The following ADAMTS6 variants were observed in gnomAD, a reference collection of about 807,000 sequenced individuals.
The protein encoded by ADAMTS6 is ADAM metallopeptidase with thrombospondin type 1 motif 6, also known as A disintegrin and metalloproteinase with thrombospondin motifs 6.
In ADAMTS6, 23 loss-of-function variants were observed where a neutral mutation model predicts 144.3. That is an observed-to-expected ratio of 0.16 (90% CI 0.11 to 0.23). ADAMTS6 has a LOEUF of 0.23. Among genes scored for constraint, ADAMTS6 ranks in the 10% least tolerant of loss-of-function variants. The pLI, the probability that ADAMTS6 is intolerant of heterozygous loss-of-function variation, is 1.00. For synonymous variants in ADAMTS6, 444 were observed against 457.5 expected (o/e 0.97, Z 0.38); for missense variants, 999 against 1,379.6 (o/e 0.72, Z 4.37).
chr5:65,234,528 G>A (rs944043934), intron 15 of ADAMTS6, among the ~76,000 whole-genome samples: 1 of 151,438 alleles, frequency 6.6e-6, no homozygotes, highest in East Asian at 1.9e-4. Context: ...AATCATCAGG[G>A]AAATGCAAAT....
chr5:65,444,646 TGTCA>T (rs1758121064), intron 7 of ADAMTS6, among the ~76,000 whole-genome samples: 1 of 152,134 alleles, frequency 6.6e-6, no homozygotes, highest in Admixed American at 6.5e-5. Context: ...ATTGTTAAGA[TGTCA>T]GTTCGCTAGA....
chr5:65,351,019 TTA>T (rs74270798), intron 7 of ADAMTS6, among the ~76,000 whole-genome samples: 17,190 of 152,216 alleles, frequency 0.11, 1,034 homozygotes, highest in African/African-American at 0.15. Flanking sequence ...CCATAATGCT[TTA>T]TGTTTGTCTC....
At chr5:65,478,121 C>T (rs936096745) in intron 1 of ADAMTS6, among the ~76,000 whole-genome samples, 2 of 149,182 alleles carry the variant, frequency 1.3e-5, no homozygotes, top group African/African-American at 2.5e-5. Flanking sequence ...AGCGAGGCTC[C>T]GTCTCAAAAA....
At chr5:65,216,272 T>C (rs571009634) in intron 18 of ADAMTS6, among the ~76,000 whole-genome samples, 1 of 152,298 alleles carries the variant, frequency 6.6e-6, no homozygotes, top group Admixed American at 6.5e-5. Flanking sequence ...TAATGAAGTA[T>C]TGATAACAAG....
chr5:65,208,258 G>T (rs1041169132), intron 20 of ADAMTS6, among the ~76,000 whole-genome samples: 1 of 152,126 alleles, frequency 6.6e-6, no homozygotes, highest in African/African-American at 2.4e-5. Flanking sequence ...CTTCTCAACC[G>T]GGGCTGTATG....
chr5:65,344,380 T>C (rs1326899339), intron 7 of ADAMTS6, among the ~76,000 whole-genome samples: 1 of 151,990 alleles, frequency 6.6e-6, no homozygotes, highest in Non-Finnish European at 1.5e-5. Context: ...AATAAGTTAT[T>C]ACTATATTTC....
chr5:65,431,788 T>TTAAG, intron 7 of ADAMTS6, among the ~76,000 whole-genome samples: 1 of 152,150 alleles, frequency 6.6e-6, no homozygotes, highest in African/African-American at 2.4e-5. Context: ...TTTGGACATA[T>TTAAG]TAAGGTTGAG....
intron 7 of ADAMTS6, among the ~76,000 whole-genome samples, chr5:65,398,725 G>A (rs1462024983): frequency 6.7e-6 from 1 of 148,822 alleles, no homozygotes; most frequent in Non-Finnish European, 1.5e-5. Flanking sequence ...GAGAGAAAGA[G>A]AGAGAGAGAG....
At chr5:65,404,862 T>C (rs1754299879) in intron 7 of ADAMTS6, among the ~76,000 whole-genome samples, 2 of 152,202 alleles carry the variant, frequency 1.3e-5, no homozygotes, top group African/African-American at 4.8e-5. Flanking sequence ...TGGTATCTCA[T>C]TGTGGTTTTG....
At chr5:65,251,572 G>A (rs1263926590) in intron 14 of ADAMTS6, 1 of 152,146 alleles carries the variant, frequency 6.6e-6, no homozygotes, top group Non-Finnish European at 1.5e-5. Context: ...TTCCAGCCTG[G>A]AGACCATAAT....
intron 7 of ADAMTS6, among the ~76,000 whole-genome samples, chr5:65,431,545 C>G (rs1756999834): frequency 6.6e-6 from 1 of 152,072 alleles, no homozygotes; most frequent in Non-Finnish European, 1.5e-5. Flanking sequence ...GAGACACAAG[C>G]AAACAAAAAA....
chr5:65,178,843 C>G (rs1300727335), intron 22 of ADAMTS6, among the ~76,000 whole-genome samples: 1 of 152,228 alleles, frequency 6.6e-6, no homozygotes, highest in Non-Finnish European at 1.5e-5. Context: ...CGCATAACCA[C>G]TGAAGTTTGC....
At chr5:65,341,429 A>C (rs1747811499) in intron 7 of ADAMTS6, among the ~76,000 whole-genome samples, 1 of 151,934 alleles carries the variant, frequency 6.6e-6, no homozygotes, top group Non-Finnish European at 1.5e-5. Flanking sequence ...TTGAAAAGAT[A>C]ACGAAAACTG....
At chr5:65,361,128 T>C (rs1580489895) in intron 7 of ADAMTS6, among the ~76,000 whole-genome samples, 1 of 152,052 alleles carries the variant, frequency 6.6e-6, no homozygotes, top group Admixed American at 6.6e-5. Context: ...ATGAACCCCA[T>C]AGTGAAAAAG....
At chr5:65,394,886 T>C (rs1753210763) in intron 7 of ADAMTS6, among the ~76,000 whole-genome samples, 1 of 152,170 alleles carries the variant, frequency 6.6e-6, no homozygotes, top group Admixed American at 6.5e-5. Context: ...AGTTTAACAC[T>C]TGATAATTTC....
At chr5:65,382,319 C>T (rs1752113232) in intron 7 of ADAMTS6, among the ~76,000 whole-genome samples, 1 of 152,188 alleles carries the variant, frequency 6.6e-6, no homozygotes, top group Admixed American at 6.5e-5. Flanking sequence ...TTAGTCATTA[C>T]CTGACTTGGC....
At chr5:65,441,566 A>T (rs994457580) in intron 7 of ADAMTS6, among the ~76,000 whole-genome samples, 29 of 152,180 alleles carry the variant, frequency 1.9e-4, no homozygotes, top group Admixed American at 4.6e-4. Flanking sequence ...ATGACCACCC[A>T]AATTAATCTA....
rs901045123 is a variant in ADAMTS6, at chr5:65,334,022, A to C, written c.1117+20T>G. 1.4e-5 allele frequency: 20 copies of C among 1,391,530 alleles called. No homozygotes were observed. The Admixed American group carries it at 1.5e-4, about 11-fold the overall frequency. The allele number at this position is 1,391,530 out of a possible 1,614,324, so 86.2% of individuals were successfully genotyped here. On this transcript the variant is annotated intron_variant, in intron 8 of 24. Transcript: ENST00000381055. ...TAAAAAAAAAAAAAAAAAAAAAAAAAAAAACCAAAAAAAACTTACCCAGTG... is the reference window on the plus strand; with the variant it reads ...TAAAAAAAAAAAAAAAAAAAAAAAACAAAACCAAAAAAAACTTACCCAGTG...
intron 7 of ADAMTS6, among the ~76,000 whole-genome samples, chr5:65,395,471 C>A (rs980675163): frequency 6.6e-6 from 1 of 152,114 alleles, no homozygotes; most frequent in Non-Finnish European, 1.5e-5. Flanking sequence ...AACATATGCA[C>A]CAAATGGAAT....
Sources: gnomAD v4.1 joint callset for allele counts (sites outside exome capture counted in the v4.1 genomes callset) on GRCh38, gnomAD v4.1.1 for gene constraint, MANE v1.5 for transcripts, NCBI Gene and HGNC (gene_info 2026-07-23, HGNC 2026-07-21) for gene names.